The following ZNF492 variants were observed in gnomAD, a reference collection of about 807,000 sequenced individuals.
ZNF492 encodes the protein zinc finger protein 115 (Y20).
Under a neutral mutation model 6.4 loss-of-function variants are expected in ZNF492, and 3 were observed. That is an observed-to-expected ratio of 0.47 (90% confidence interval 0.21 to 1.22). The LOEUF (loss-of-function observed/expected upper bound fraction) is 1.22, where lower values mean the gene tolerates loss of function less well. Ranked by LOEUF, ZNF492 falls within the 50% of genes most tolerant of loss-of-function variation. The probability of loss-of-function intolerance (pLI) is 0.22; values close to 1 mark genes in which losing one functional copy is unlikely to be tolerated. For missense variants in ZNF492, 356 were observed against 612.5 expected, an observed-to-expected ratio of 0.58 and a Z score of 4.42; for synonymous variants, 112 against 205.3, an observed-to-expected ratio of 0.55 and a Z score of 3.89.
Position 22,653,934 on chromosome 19 carries a change from A to G in ZNF492, c.49A>G (p.Lys17Glu), listed in dbSNP as rs376959330. 6.2e-5 allele frequency: 99 copies of G among 1,587,420 alleles called. No individual in the cohort carries two copies. The highest frequency in any genetic ancestry group is 8.2e-5 in the Non-Finnish European group (96 of 1,173,468). The change falls in exon 3 of 4, where the codon AAG (lysine) becomes GAG (glutamate). Residue 17 changes from lysine to glutamate, a missense_variant. By Grantham distance (56) the Lys-to-Glu change is moderately conservative. Transcript: ENST00000456783. ...TAATAAAACAGGTATTGCTGCCTCT[A>G]AGCCAGACCTGATCACCTGTCTGGA... ...NLVFVGIAAS[K>E]PDLITCLEQG...
intron 1 of ZNF492, among the ~76,000 whole-genome samples, chr19:22,648,539 A>T (rs544405250): frequency 6.6e-6 from 1 of 152,294 alleles, no homozygotes; most frequent in African/African-American, 2.4e-5. Flanking sequence ...TAATATTGAC[A>T]GTGAGGTGTT....
At chr19:22,659,670 T>G (rs55658562) in intron 3 of ZNF492, among the ~76,000 whole-genome samples, 1,471 of 103,026 alleles carry the variant, frequency 0.014, 36 homozygotes, top group African/African-American at 0.064. Flanking sequence ...TTTTGTTGTT[T>G]TTTTTTTTTT....
At position 22,656,499 on chromosome 19, in the gene ZNF492, C is replaced by T. The variant is rs368763485; in HGVS notation, c.130+2484C>T. On this transcript the variant is annotated intron_variant, in intron 3 of 3. Coordinates refer to ENST00000456783, the MANE Select transcript of ZNF492 (RefSeq NM_020855.3). Reference sequence around the variant, plus strand: ...GGGTTTCTACATAGGCAGAACTTGCCATGAACTGTGGCTCAGGGTGATAAA... The same window carrying T: ...GGGTTTCTACATAGGCAGAACTTGCTATGAACTGTGGCTCAGGGTGATAAA... Among the ~76,000 whole-genome samples the T allele has an allele frequency of 8.5e-4, 129 of 152,120 alleles. 1 individual carries two copies. The highest frequency in any genetic ancestry group is 2.9e-3 in the African/African-American group (119 of 41,430).
In ZNF492 at chr19:22,657,591, C is replaced by T. The variant is rs534069149; in HGVS notation, c.130+3576C>T. Among the ~76,000 whole-genome samples the T allele has an allele frequency of 1.1e-3, 173 of 152,136 alleles. 1 individual carries two copies. Among genetic ancestry groups the T allele is most frequent in the Non-Finnish European group, 2.0e-3 (133 of 67,982 alleles). ...TACAGTAAAATATTACAGTTATCTA[C>T]ACAAATTCTTTGTTAATGCTACATC... On this transcript the variant is annotated intron_variant, in intron 3 of 3. Transcript: ENST00000456783.
chr19:22,661,671 A>G lies in ZNF492; in HGVS notation c.131-2129A>G, dbSNP rs566869842. ...CAGTGCAATGGCATGGTCTCAGCCC[A>G]CTGCAGCCTCCACTTCTCTGGTTCA... On this transcript the variant is annotated intron_variant, in intron 3 of 3. Coordinates refer to ENST00000456783, the MANE Select transcript of ZNF492 (RefSeq NM_020855.3). 1.6e-4 allele frequency among the ~76,000 whole-genome samples: 24 copies of G among 152,050 alleles called. No individual in the cohort carries two copies. In the South Asian group the frequency reaches 4.6e-3, roughly 29 times the overall value.
chr19:22,634,333 TCTC>T lies in ZNF492; in HGVS notation c.-234_-232del, dbSNP rs1281374040. 13 of 955,624 alleles carry T rather than the reference TCTC, an allele frequency of 1.4e-5. No individual in the cohort carries two copies. Among genetic ancestry groups the T allele is most frequent in the Non-Finnish European group, 2.0e-5 (13 of 641,686 alleles). The allele number at this position is 955,624 out of a possible 1,614,324, so 59.2% of individuals were successfully genotyped here. ...TCCGGGATGTGGCGGGGTCTTTGTC[TCTC>T]GCTGCAGTCGGAGTATGGTCTAGTG... On this transcript the variant is annotated 5_prime_UTR_variant, in exon 1 of 4. Transcript: ENST00000456783.
In ZNF492 at chr19:22,647,727, G is replaced by GTTTTTTTTTTTTTTTTTTTTTTTT. The variant is rs71180575; in HGVS notation, c.-93-5560_-93-5559insTTTTTTTTTTTTTTTTTTTTTTTT. ...TTGCTCTTGCTTTCTAGCTCTTTTA[G>GTTTTTTTTTTTTTTTTTTTTTTTT]TTTTTTTTTTTTTTTTTTTTGAGAT... On this transcript the variant is annotated intron_variant, in intron 1 of 3. Coordinates refer to ENST00000456783, the MANE Select transcript of ZNF492 (RefSeq NM_020855.3). Among the ~76,000 whole-genome samples the GTTTTTTTTTTTTTTTTTTTTTTTT allele has an allele frequency of 5.4e-5, 5 of 92,574 alleles. 1 individual carries two copies. Among genetic ancestry groups the GTTTTTTTTTTTTTTTTTTTTTTTT allele is most frequent in the African/African-American group, 1.4e-4 (3 of 21,070 alleles). The allele number at this position is 92,574 out of a possible 152,430, so 60.7% of individuals were successfully genotyped here.
At chr19:22,647,607 A>T (rs1308461045) in intron 1 of ZNF492, among the ~76,000 whole-genome samples, 1 of 147,502 alleles carries the variant, frequency 6.8e-6, no homozygotes, top group African/African-American at 2.5e-5. Context: ...GGATTCATTG[A>T]TTTTTTTTTG....
At chr19:22,645,051 C>G (rs1225599100) in intron 1 of ZNF492, among the ~76,000 whole-genome samples, 1 of 151,684 alleles carries the variant, frequency 6.6e-6, no homozygotes, top group East Asian at 1.9e-4. Flanking sequence ...ATCTTTTGCC[C>G]ACTTTTTTTT....
intron 1 of ZNF492, among the ~76,000 whole-genome samples, chr19:22,644,416 C>A (rs141503893): frequency 1.4e-4 from 22 of 152,200 alleles, no homozygotes; most frequent in African/African-American, 5.3e-4. Flanking sequence ...GTGTGTTATT[C>A]CCCTCCCTGT....
intron 1 of ZNF492, among the ~76,000 whole-genome samples, chr19:22,637,692 G>A (rs1044395048): frequency 2.0e-5 from 3 of 152,082 alleles, no homozygotes; most frequent in Admixed American, 6.6e-5. Flanking sequence ...ATGAACATAC[G>A]TATGTCTTTA....
chr19:22,638,717 A>C (rs1294412696), intron 1 of ZNF492, among the ~76,000 whole-genome samples: 1 of 152,130 alleles, frequency 6.6e-6, no homozygotes, highest in African/African-American at 2.4e-5. Context: ...GTTCCATATA[A>C]ATTTAAAAAT....
intron 2 of ZNF492, 142 bp from the exon 3 acceptor site, chr19:22,653,778 A>G (rs1971965789): frequency 1.4e-6 from 1 of 736,970 alleles, no homozygotes; most frequent in Non-Finnish European, 2.0e-6. Context: ...AATATTTCCT[A>G]AATATTTAAA....
At chr19:22,637,563 T>C (rs371255696) in intron 1 of ZNF492, among the ~76,000 whole-genome samples, 2 of 152,210 alleles carry the variant, frequency 1.3e-5, no homozygotes, top group East Asian at 3.9e-4. Flanking sequence ...CCCAAAATGC[T>C]GAGATTACAG....
chr19:22,636,557 C>CGTGTGTGTAT (rs1294213936), intron 1 of ZNF492, among the ~76,000 whole-genome samples: 1 of 120,984 alleles, frequency 8.3e-6, no homozygotes, highest in East Asian at 2.4e-4. Context: ...TGTGTGTGTG[C>CGTGTGTGTAT]GTGTGTGTAT....
rs1483660254 is a variant in ZNF492 at position 22,662,916 on chromosome 19, C to T, written c.131-884C>T. Among the ~76,000 whole-genome samples, 28 of 151,930 alleles carry T rather than the reference C, an allele frequency of 1.8e-4. No individual in the cohort carries two copies. The East Asian group carries it at 2.9e-3, about 16-fold the overall frequency. ...TCATTCTGGTGGTAGTTTCTTTTGC[C>T]GTGCAGAAGCTCTTTAGTTTAATTA... On this transcript the variant is annotated intron_variant, in intron 3 of 3. Transcript: ENST00000456783.
chr19:22,648,117 C>T (rs1971903702), intron 1 of ZNF492, among the ~76,000 whole-genome samples: 1 of 151,998 alleles, frequency 6.6e-6, no homozygotes, highest in Non-Finnish European at 1.5e-5. Flanking sequence ...TATAAATTCC[C>T]CTTTTAACTC....
rs935664313 is a variant in ZNF492, at chr19:22,652,125, ATAGAGT to A, written c.-93-1179_-93-1174del. Among the ~76,000 whole-genome samples the A allele has an allele frequency of 3.0e-3, 456 of 151,404 alleles. 5 individuals carry two copies. Among genetic ancestry groups the A allele is most frequent in the African/African-American group, 0.01 (428 of 40,876 alleles). The stretch of plus-strand genomic sequence containing the variant: ...TGAACTCTGTGACAGATTTTTTTCT[ATAGAGT>A]TAATTATTTTTCTCTTCATTACTGA... On this transcript the variant is annotated intron_variant, in intron 1 of 3. Coordinates refer to ENST00000456783, the MANE Select transcript of ZNF492 (RefSeq NM_020855.3).
chr19:22,652,469 C>T (rs1190418830), intron 1 of ZNF492, among the ~76,000 whole-genome samples: 2 of 151,788 alleles, frequency 1.3e-5, no homozygotes, highest in East Asian at 3.9e-4. Flanking sequence ...AACACACAGG[C>T]TTTTCCACTT....
Sources: gnomAD v4.1 joint callset for allele counts (sites outside exome capture counted in the v4.1 genomes callset) on GRCh38, gnomAD v4.1.1 for gene constraint, MANE v1.5 for transcripts, NCBI Gene and HGNC (gene_info 2026-07-23, HGNC 2026-07-21) for gene names.